Variants in VPS13C observed in about 807,000 individuals in gnomAD.
The protein encoded by VPS13C is intermembrane lipid transfer protein VPS13C.
Under a neutral mutation model 456.8 loss-of-function variants are expected in VPS13C, and 358 were observed. The observed-to-expected ratio is 0.78, with a 90% CI of 0.72 to 0.86. The LOEUF (loss-of-function observed/expected upper bound fraction) is 0.86. Ranked by LOEUF, VPS13C falls within the 40% of genes least tolerant of loss-of-function variation. The probability of loss-of-function intolerance (pLI) is 0.00; values close to 1 mark genes in which losing one functional copy is unlikely to be tolerated. For synonymous variants in VPS13C, 1,578 were observed against 1,486.7 expected (o/e 1.06, Z -1.41); for missense variants, 4,818 against 4,385.4 (o/e 1.10, Z -2.79).
chr15:61,890,503 C>A, intron 66 of VPS13C, 103 bp from the exon 67 acceptor site: 4 of 982,334 alleles, frequency 4.1e-6, no homozygotes, highest in Non-Finnish European at 5.9e-6. Context: ...AGAAGCACTA[C>A]TATAAATTGA....
intron 65 of VPS13C, among the ~76,000 whole-genome samples, chr15:61,908,596 T>C (rs2043212489): frequency 1.3e-5 from 2 of 152,164 alleles, no homozygotes; most frequent in African/African-American, 4.8e-5. Flanking sequence ...AGAGGTTCAC[T>C]GAGCGTTACC....
rs767911968 is a variant in VPS13C at position 61,951,027 on chromosome 15, A to C, written c.4457-3T>G. 42 of 1,555,630 alleles carry C rather than the reference A, an allele frequency of 2.7e-5. No individual in the cohort carries two copies. The highest frequency in any genetic ancestry group is 3.5e-5 in the Non-Finnish European group (40 of 1,146,414). On this transcript the variant is annotated splice_region_variant and splice_polypyrimidine_tract_variant and intron_variant, in intron 39 of 84. Coordinates refer to ENST00000644861, the MANE Select transcript of VPS13C (RefSeq NM_020821.3). ...GTGAAGAGGTTCCCCTTTAGAGTCT[A>C]AAAGAGAAAAAAGACAAAGTTGATC...
In VPS13C at chr15:61,886,722, C is replaced by T. The variant is rs199769822; in HGVS notation, c.9342-2453G>A. On this transcript the variant is annotated intron_variant, in intron 67 of 84. Transcript: ENST00000644861. ...TTGCTGGCACCTGAATTAGAGAATA[C>T]TAAAATCTATAATATTTTATTTCAC... Among the ~76,000 whole-genome samples, 43 of 152,174 alleles carry T rather than the reference C, an allele frequency of 2.8e-4. 1 individual carries two copies. In the East Asian group the frequency reaches 7.1e-3, roughly 25 times the overall value.
In VPS13C at chr15:61,934,307, T is replaced by G; in HGVS notation, c.5780A>C (p.Lys1927Thr). ...ACTGACAATCTGGTTCATAGAGAGCTTTGAGTCTGTCCAATCTTCTTGTTC... is the reference window on the plus strand; with the variant it reads ...ACTGACAATCTGGTTCATAGAGAGCGTTGAGTCTGTCCAATCTTCTTGTTC... ...LKEQEDWTDS[K>T]LSMNQIVSLQ... The change falls in exon 49 of 85, where the codon AAG (lysine) becomes ACG (threonine). Residue 1927 changes from lysine (K) to threonine (T), a missense_variant. Around this residue, in one of 3 missense-constraint regions of VPS13C, gnomAD observed 4,552 missense variants for 4,130.6 expected, o/e 1.10. Transcript: ENST00000644861. The G allele has an allele frequency of 6.3e-7, 1 of 1,582,732 alleles. No individual in the cohort carries two copies. The highest frequency in any genetic ancestry group is 8.6e-7 in the Non-Finnish European group (1 of 1,163,202).
chr15:62,032,308 C>T (rs1197019189), intron 5 of VPS13C, among the ~76,000 whole-genome samples: 2 of 151,460 alleles, frequency 1.3e-5, no homozygotes, highest in African/African-American at 4.8e-5. Flanking sequence ...TGCTTTTTTG[C>T]CATGGTAAAG....
intron 63 of VPS13C, 32 bp downstream of exon 63, chr15:61,911,808 T>C: frequency 6.6e-7 from 1 of 1,525,164 alleles, no homozygotes; most frequent in Non-Finnish European, 8.8e-7. Context: ...TTGTATATTT[T>C]AGGAATCAGT....
intron 15 of VPS13C, among the ~76,000 whole-genome samples, chr15:62,007,098 A>T (rs2046876674): frequency 6.6e-6 from 1 of 151,976 alleles, no homozygotes; most frequent in Non-Finnish European, 1.5e-5. Context: ...CAGTAACCTT[A>T]TTTTATCTGA....
At chr15:61,880,470 T>C in intron 73 of VPS13C, 139 bp downstream of exon 73, 1 of 570,532 alleles carries the variant, frequency 1.8e-6, no homozygotes, top group East Asian at 3.1e-5. Flanking sequence ...CAGAGAACTG[T>C]CTTAATTATT....
chr15:61,995,721 G>C (rs77722442), intron 16 of VPS13C, among the ~76,000 whole-genome samples: 1 of 152,200 alleles, frequency 6.6e-6, no homozygotes, highest in Non-Finnish European at 1.5e-5. Context: ...ATTCTGCCAA[G>C]GAAAGTGGAT....
intron 74 of VPS13C, among the ~76,000 whole-genome samples, chr15:61,877,936 C>G (rs1415484372): frequency 1.3e-5 from 2 of 151,684 alleles, no homozygotes; most frequent in East Asian, 1.9e-4. Context: ...GATAACAGTC[C>G]TTTCTCTGTC....
intron 12 of VPS13C, 83 bp from the exon 13 acceptor site, chr15:62,010,682 C>G (rs1299438244): frequency 6.9e-6 from 9 of 1,300,786 alleles, no homozygotes; most frequent in Non-Finnish European, 9.1e-6. Context: ...AACACTGTTA[C>G]TCTAGAAGTA....
chr15:61,973,055 A>G (rs1313205081), intron 26 of VPS13C, among the ~76,000 whole-genome samples: 1 of 152,174 alleles, frequency 6.6e-6, no homozygotes, highest in Non-Finnish European at 1.5e-5. Flanking sequence ...TCTACCACGT[A>G]TCAGGCTGTG....
chr15:61,977,081 C>T lies in VPS13C; in HGVS notation c.2408+1G>A, dbSNP rs769411694. 15 of 1,585,584 alleles carry T rather than the reference C, an allele frequency of 9.5e-6. No individual in the cohort carries two copies. The highest frequency in any genetic ancestry group is 4.6e-5 in the East Asian group (2 of 43,330). ...TAATATAAAAGAAGTTTATACATTA[C>T]CTGGCCATTCTAATGTCTTTTTCTA... On this transcript the variant is annotated splice_donor_variant, in intron 24 of 84. Transcript: ENST00000644861. LOFTEE classifies it high-confidence loss of function.
chr15:61,909,820 T>C (rs749368114), intron 64 of VPS13C, among the ~76,000 whole-genome samples: 9 of 152,256 alleles, frequency 5.9e-5, no homozygotes, highest in Non-Finnish European at 1.3e-4. Context: ...GTTCCAAGTC[T>C]TTGCTATTGT....
Position 61,959,595 on chromosome 15 carries a change from C to A in VPS13C, c.3909G>T (p.Arg1303Ser), listed in dbSNP as rs2045126457. The change falls in exon 36 of 85, where the codon AGG becomes AGT. Residue 1303 changes from arginine (R) to serine (S), a missense_variant and splice_region_variant. Arg to Ser is a moderately radical substitution (Grantham distance 110). This residue lies in a region of VPS13C where 4,552 missense variants were observed against 4,130.6 expected (regional missense o/e 1.10). Coordinates refer to ENST00000644861, the MANE Select transcript of VPS13C (RefSeq NM_020821.3). ...GGTAGATGCCTGGCTGGATCACTGT[C>A]CTACGAAAAACAGAAATGTTACATA... Reference protein sequence around the residue: ...DVQLTKLTLYRTVIQPGIYHP... With the variant: ...DVQLTKLTLYSTVIQPGIYHP... 1.9e-6 allele frequency: 3 copies of A among 1,607,696 alleles called. No individual in the cohort carries two copies. Among genetic ancestry groups the A allele is most frequent in the African/African-American group, 2.7e-5 (2 of 74,744 alleles).
At chr15:61,979,827 G>A (rs2045819855) in intron 22 of VPS13C, among the ~76,000 whole-genome samples, 1 of 152,060 alleles carries the variant, frequency 6.6e-6, no homozygotes, top group Non-Finnish European at 1.5e-5. Flanking sequence ...AGCTTTCAAT[G>A]GAAATTTTAA....
At position 61,920,064 on chromosome 15, in the gene VPS13C, T is replaced by C. The variant is rs1414416084; in HGVS notation, c.7477+3A>G. The C allele has an allele frequency of 6.3e-7, 1 of 1,590,590 alleles. No individual in the cohort carries two copies. Among genetic ancestry groups the C allele is most frequent in the Non-Finnish European group, 8.6e-7 (1 of 1,164,816 alleles). On this transcript the variant is annotated splice_donor_region_variant and intron_variant, in intron 57 of 84. Coordinates refer to ENST00000644861, the MANE Select transcript of VPS13C (RefSeq NM_020821.3). ...ACCCTTAAGGAAAACAAATATAGCC[T>C]ACCAATGGTCAGAGTGAAGAAGGAG... is the stretch of plus-strand genomic sequence containing the variant.
Position 61,882,645 on chromosome 15 carries a change from T to A in VPS13C, c.9575A>T (p.Lys3192Met). 1.2e-6 allele frequency: 2 copies of A among 1,605,354 alleles called. No homozygotes were observed. Among genetic ancestry groups the A allele is most frequent in the Non-Finnish European group, 1.7e-6 (2 of 1,176,104 alleles). The change falls in exon 69 of 85, where the codon AAG becomes ATG. Residue 3192 changes from lysine (K) to methionine (M), a missense_variant. By Grantham distance (95) the Lys-to-Met change is moderately conservative (BLOSUM62 -1). Coordinates refer to ENST00000644861, the MANE Select transcript of VPS13C (RefSeq NM_020821.3). Reference sequence around the variant, plus strand: ...TAAACTTCTCTGGTGAGAAGACTGCTTAAATTCAATCTGAATTCCTGATAA... The same window carrying A: ...TAAACTTCTCTGGTGAGAAGACTGCATAAATTCAATCTGAATTCCTGATAA... ...DFLSGIQIEF[K>M]QSSHQRSLRA...
At chr15:61,882,813 G>T in intron 68 of VPS13C, 77 bp from the exon 69 acceptor site, 1 of 1,396,076 alleles carries the variant, frequency 7.2e-7, no homozygotes, top group Non-Finnish European at 9.4e-7. Context: ...TCTGTTTATT[G>T]ATCAAATTGA....
Sources: gnomAD v4.1 joint callset for allele counts (sites outside exome capture counted in the v4.1 genomes callset) on GRCh38, gnomAD v4.1.1 for gene constraint, gnomAD v4.1.1 regional missense constraint, MANE v1.5 for transcripts, NCBI Gene and HGNC (gene_info 2026-07-23, HGNC 2026-07-21) for gene names.